TSBP1: variants seen among roughly 807,000 people sequenced by gnomAD.
The protein encoded by TSBP1 is testis-expressed basic protein 1.
A neutral mutation model predicts 68.8 loss-of-function variants in TSBP1; 56 were observed. The observed-to-expected ratio is 0.81, with a 90% CI of 0.66 to 1.02. The LOEUF (loss-of-function observed/expected upper bound fraction) is 1.02. Among genes scored for constraint, TSBP1 ranks in the 50% least tolerant of loss-of-function variants. TSBP1 has a pLI of 0.00. For missense variants in TSBP1, 502 were observed against 641.2 expected, an observed-to-expected ratio of 0.78 and a Z score of 2.34; for synonymous variants, 171 against 208.7, an observed-to-expected ratio of 0.82 and a Z score of 1.56.
Position 32,343,355 on chromosome 6 carries a change from A to G in TSBP1, c.350-3717T>C, listed in dbSNP as rs779997745. 7 of 688,110 alleles carry G rather than the reference A, an allele frequency of 1.0e-5. No individual in the cohort carries two copies. Among genetic ancestry groups the G allele is most frequent in the Admixed American group, 4.1e-5 (1 of 24,112 alleles). 42.6% of individuals were successfully genotyped at this position (688,110 alleles called of 1,614,324 possible). On this transcript the variant is annotated intron_variant, in intron 9 of 22. Coordinates refer to ENST00000612031, the Ensembl canonical transcript of TSBP1. This position sits in a 1 kb window ranked among gnomAD's most constrained non-coding sequence, Gnocchi z 4.3. ...CAGAAATAGTGTCCTCCCTCAGGTT[A>G]TTAGACTTTCCATTCCCCTGTAGGT...
intron 16 of TSBP1, 194 bp from the exon 18 acceptor site, chr6:32,323,808 A>G: frequency 3.3e-6 from 2 of 611,304 alleles, no homozygotes; most frequent in Non-Finnish European, 2.9e-6. Context: ...AATTTTGATG[A>G]TAGGAAAGTA....
chr6:32,329,578 G>T (rs150331490), intron 16 of TSBP1, among the ~76,000 whole-genome samples: 1,744 of 152,256 alleles, frequency 0.011, 25 homozygotes, highest in South Asian at 0.033. Flanking sequence ...GATGCTGCCT[G>T]CCCTCTACAC....
intron 20 of TSBP1, 44 bp from the exon 24 acceptor site, chr6:32,300,744 C>T (rs767181135): frequency 1.9e-6 from 3 of 1,561,478 alleles, no homozygotes; most frequent in Admixed American, 1.7e-5. Flanking sequence ...ACTGGGCATT[C>T]CCTTCTTCCC....
In TSBP1 at chr6:32,370,086, T is replaced by C. The variant is rs201164510; in HGVS notation, c.14-103A>G. 3.6e-4 allele frequency: 246 copies of C among 685,108 alleles called. 2 individuals carry two copies. The highest frequency in any genetic ancestry group is 3.5e-3 in the South Asian group (205 of 59,398). 42.4% of individuals were successfully genotyped at this position (685,108 alleles called of 1,614,324 possible). A position where few individuals can be genotyped will look rare whatever the true frequency, so the allele number is the denominator to read the frequency against. On this transcript the variant is annotated intron_variant, in intron 1 of 22. Coordinates refer to ENST00000612031, the Ensembl canonical transcript of TSBP1. Reference sequence around the variant, plus strand: ...CTATCCACCAGATAGACTTTTTTTCTTTCCCCTTTCTGCTACTTCAACTCC... The same window carrying C: ...CTATCCACCAGATAGACTTTTTTTCCTTCCCCTTTCTGCTACTTCAACTCC...
intron 20 of TSBP1, among the ~76,000 whole-genome samples, chr6:32,301,558 A>AG (rs1326370577): frequency 6.6e-6 from 1 of 151,796 alleles, no homozygotes; most frequent in African/African-American, 2.4e-5. Context: ...TCTGCAAAAA[A>AG]AAAAAGAAAA....
intron 19 of TSBP1, among the ~76,000 whole-genome samples, chr6:32,309,195 C>G (rs1766115881): frequency 6.6e-6 from 1 of 152,148 alleles, no homozygotes; most frequent in Non-Finnish European, 1.5e-5. Context: ...AGCAATCCAC[C>G]TGCCCTGGCC....
intron 8 of TSBP1, among the ~76,000 whole-genome samples, chr6:32,353,708 A>T (rs1447426179): frequency 1.3e-5 from 2 of 152,034 alleles, no homozygotes; most frequent in Non-Finnish European, 2.9e-5. Context: ...AAGACAAAAG[A>T]TCACTGGAAC....
chr6:32,320,542 A>T (rs531465768), intron 18 of TSBP1, among the ~76,000 whole-genome samples: 1 of 151,450 alleles, frequency 6.6e-6, no homozygotes, highest in African/African-American at 2.4e-5. Context: ...CTATTTTTTC[A>T]TCCCCTCACT....
intron 4 of TSBP1, among the ~76,000 whole-genome samples, chr6:32,366,780 A>AAAAAT: frequency 6.6e-6 from 1 of 151,740 alleles, no homozygotes; most frequent in Non-Finnish European, 1.5e-5. Flanking sequence ...AAAAAAAAAA[A>AAAAAT]AAAAAAGTTT....
At chr6:32,329,830 G>A (rs1768714039) in intron 16 of TSBP1, among the ~76,000 whole-genome samples, 1 of 152,150 alleles carries the variant, frequency 6.6e-6, no homozygotes, top group African/African-American at 2.4e-5. Flanking sequence ...TCTAGATTCA[G>A]AATTTCCCGT....
chr6:32,324,618 G>T, intron 16 of TSBP1: 1 of 1,390,302 alleles, frequency 7.2e-7, no homozygotes, highest in Non-Finnish European at 9.7e-7. Context: ...TAGAGACCGA[G>T]TCCTAAAGGA....
At chr6:32,330,554 G>C in intron 16 of TSBP1, 35 bp downstream of exon 17, 1 of 1,600,876 alleles carries the variant, frequency 6.2e-7, no homozygotes, top group Non-Finnish European at 8.5e-7. Flanking sequence ...GAAGATCAAG[G>C]AACCTGGAGG....
At chr6:32,371,253 T>C (rs1053330229) in intron 1 of TSBP1, among the ~76,000 whole-genome samples, 1 of 152,222 alleles carries the variant, frequency 6.6e-6, no homozygotes, top group Non-Finnish European at 1.5e-5. Flanking sequence ...TACTACTGTA[T>C]ATTCCTTTTC....
chr6:32,350,350 C>A (rs1771581888), intron 8 of TSBP1, among the ~76,000 whole-genome samples: 1 of 152,152 alleles, frequency 6.6e-6, no homozygotes, highest in Non-Finnish European at 1.5e-5. Flanking sequence ...AACCTCGGGG[C>A]TTACTGAAAG....
rs113510923 is a variant in TSBP1 at position 32,361,462 on chromosome 6, T to G, written c.217+4705A>C. ...TCCTTGAGGAATCACCACACTGTCT[T>G]CCACAATGGTTGAACTAGTTTACAC... On this transcript the variant is annotated intron_variant, in intron 6 of 22. Transcript: ENST00000612031. The surrounding 1 kb of genome is among the most constrained non-coding windows in gnomAD (Gnocchi z 4.3). Among the ~76,000 whole-genome samples, 110 of 152,306 alleles carry G rather than the reference T, an allele frequency of 7.2e-4. No individual in the cohort carries two copies. The highest frequency in any genetic ancestry group is 8.7e-4 in the Non-Finnish European group (59 of 68,016).
At chr6:32,323,325 A>C (rs1207426488) in intron 17 of TSBP1, 188 bp from the exon 19 acceptor site, 1 of 665,164 alleles carries the variant, frequency 1.5e-6, no homozygotes, top group Admixed American at 2.4e-5. Context: ...TGGTGGAATT[A>C]TTCTAAGGAT....
At chr6:32,313,089 A>G (rs1188069486) in intron 19 of TSBP1, among the ~76,000 whole-genome samples, 1 of 152,130 alleles carries the variant, frequency 6.6e-6, no homozygotes, top group African/African-American at 2.4e-5. Flanking sequence ...CTCTGGCCCT[A>G]CCTCCTGCTC....
chr6:32,330,580 G>A lies in TSBP1; in HGVS notation c.514+9C>T. The A allele has an allele frequency of 1.2e-6, 2 of 1,602,684 alleles. No individual in the cohort carries two copies. The highest frequency in any genetic ancestry group is 1.7e-6 in the Non-Finnish European group (2 of 1,174,122). On this transcript the variant is annotated intron_variant, in intron 16 of 22. Transcript: ENST00000612031. ...AACCTGGAGGGAGAAGGATAGATAA[G>A]GTACTTACCATTGGATCCAGGATAT...
intron 4 of TSBP1, among the ~76,000 whole-genome samples, chr6:32,367,712 T>C (rs2127664295): frequency 6.6e-6 from 1 of 152,342 alleles, no homozygotes; most frequent in Non-Finnish European, 1.5e-5. Context: ...TGGAAATGAA[T>C]TCTTTTGATG....
Sources: allele counts gnomAD v4.1 joint callset (sites outside exome capture counted in the v4.1 genomes callset), GRCh38; gene constraint gnomAD v4.1.1; non-coding constraint Gnocchi (gnomAD v3.1); transcripts MANE v1.5; gene names NCBI Gene and HGNC (gene_info 2026-07-23, HGNC 2026-07-21).